HMGN5: variants seen among roughly 807,000 people sequenced by gnomAD.
HMGN5 encodes the protein high mobility group nucleosome binding domain 5, also known as high mobility group nucleosome-binding domain-containing protein 5.
HMGN5 carries 4 observed loss-of-function variants against 9.5 expected under a neutral mutation model. The observed-to-expected ratio is 0.42, with a 90% CI of 0.21 to 0.96. The LOEUF (loss-of-function observed/expected upper bound fraction) is 0.96, where lower values mean the gene tolerates loss of function less well. Ranked by LOEUF, HMGN5 falls within the 40% of genes least tolerant of loss-of-function variation. The pLI is 0.30. For synonymous variants in HMGN5, 55 were observed against 57.1 expected (o/e 0.96, Z 0.16); for missense variants, 192 against 187.5 (o/e 1.02, Z -0.14).
chrX:81,167,839 T>C (rs757410398), intron 1 of HMGN5, among the ~76,000 whole-genome samples: 32 of 112,025 alleles, frequency 2.9e-4, no homozygotes, highest in Non-Finnish European at 5.1e-4. Context: ...CTGTGACTAT[T>C]AAAAAAGAAA....
intron 1 of HMGN5, among the ~76,000 whole-genome samples, chrX:81,196,109 C>T (rs1372832533): frequency 9.0e-6 from 1 of 111,699 alleles, no homozygotes; most frequent in Non-Finnish European, 1.9e-5. Context: ...AGATACTCCC[C>T]TTCTGCTGGC....
intron 1 of HMGN5, among the ~76,000 whole-genome samples, chrX:81,176,526 T>A (rs1211390962): frequency 9.0e-6 from 1 of 110,859 alleles, no homozygotes; most frequent in Non-Finnish European, 1.9e-5. Flanking sequence ...GCAAGGAAGC[T>A]AAAAACCTTG....
intron 1 of HMGN5, among the ~76,000 whole-genome samples, chrX:81,195,761 A>G: frequency 8.9e-6 from 1 of 111,792 alleles, no homozygotes; most frequent in South Asian, 3.7e-4. Context: ...CCTTGAGACC[A>G]TTTACTGTTA....
chrX:81,113,980 T>A lies in HMGN5; in HGVS notation c.*669A>T, dbSNP rs1007395541. 1.3e-4 allele frequency: 15 copies of A among 111,963 alleles called. No homozygotes were observed. Among genetic ancestry groups the A allele is most frequent in the South Asian group, 3.6e-4 (1 of 2,751 alleles). The allele number at this position is 111,963 out of a possible 1,213,427, so 9.2% of individuals were successfully genotyped here. A position where few individuals can be genotyped will look rare whatever the true frequency, so the allele number is the denominator to read the frequency against. ...TTTATATTAATTTTATGTCAGTGAA[T>A]ATTAAATATTTTCATGAATAACACA... On this transcript the variant is annotated 3_prime_UTR_variant, in exon 7 of 7. Coordinates refer to ENST00000358130, the MANE Select transcript of HMGN5 (RefSeq NM_030763.3).
At chrX:81,189,326 T>C (rs1331521871) in intron 1 of HMGN5, among the ~76,000 whole-genome samples, 1 of 111,529 alleles carries the variant, frequency 9.0e-6, no homozygotes, top group Non-Finnish European at 1.9e-5. Flanking sequence ...TTGTTTTTTA[T>C]TTTGTCTCCT....
At chrX:81,201,337 A>G (rs1053488943) in intron 1 of HMGN5, among the ~76,000 whole-genome samples, 1 of 110,696 alleles carries the variant, frequency 9.0e-6, no homozygotes, top group Non-Finnish European at 1.9e-5. Context: ...TAACCATCTG[A>G]TCTCTCTCTT....
chrX:81,142,465 C>A (rs2075332407), intron 1 of HMGN5, among the ~76,000 whole-genome samples: 1 of 111,300 alleles, frequency 9.0e-6, no homozygotes, highest in South Asian at 3.8e-4. Flanking sequence ...CTAAAGGCAG[C>A]AAGAGAAAAT....
At chrX:81,130,556 A>G (rs1245024045) in intron 1 of HMGN5, among the ~76,000 whole-genome samples, 1 of 111,358 alleles carries the variant, frequency 9.0e-6, no homozygotes, top group East Asian at 2.8e-4. Flanking sequence ...TATTATAAGA[A>G]AACTCAGCAT....
intron 1 of HMGN5, among the ~76,000 whole-genome samples, chrX:81,170,827 A>G (rs1241255476): frequency 9.0e-6 from 1 of 110,895 alleles, no homozygotes; most frequent in Non-Finnish European, 1.9e-5. Context: ...CCTTTAAACT[A>G]TCTCACTCAA....
At chrX:81,184,916 G>A (rs1814523257) in intron 1 of HMGN5, among the ~76,000 whole-genome samples, 1 of 111,659 alleles carries the variant, frequency 9.0e-6, no homozygotes, top group Non-Finnish European at 1.9e-5. Flanking sequence ...TGGCACCTTT[G>A]CTGAAAATGA....
At chrX:81,154,056 C>T (rs914704969) in intron 1 of HMGN5, among the ~76,000 whole-genome samples, 19 of 109,992 alleles carry the variant, frequency 1.7e-4, no homozygotes, top group Admixed American at 4.9e-4. Flanking sequence ...CCAGGATAGC[C>T]GAAATTATCC....
intron 1 of HMGN5, among the ~76,000 whole-genome samples, chrX:81,177,538 A>G (rs963993987): frequency 1.8e-5 from 2 of 110,275 alleles, no homozygotes; most frequent in African/African-American, 6.6e-5. Flanking sequence ...TATGTACCCA[A>G]TACAGGAGCA....
intron 1 of HMGN5, among the ~76,000 whole-genome samples, chrX:81,141,288 C>T (rs2075328717): frequency 8.9e-6 from 1 of 111,781 alleles, no homozygotes; most frequent in Non-Finnish European, 1.9e-5. Context: ...CATCTGCTGA[C>T]TGTAGAACCC....
At chrX:81,190,778 AT>A (rs893261635) in intron 1 of HMGN5, among the ~76,000 whole-genome samples, 4 of 109,381 alleles carry the variant, frequency 3.7e-5, no homozygotes, top group Admixed American at 9.8e-5. Context: ...GTCTAGACTC[AT>A]TTTTTTTTAC....
intron 1 of HMGN5, among the ~76,000 whole-genome samples, chrX:81,150,184 T>C (rs1006070285): frequency 3.6e-5 from 4 of 112,193 alleles, no homozygotes; most frequent in Non-Finnish European, 5.6e-5. Flanking sequence ...TAAAACGTTT[T>C]CTAAAATTGA....
intron 1 of HMGN5, among the ~76,000 whole-genome samples, chrX:81,126,896 CTT>C (rs763429138): frequency 9.9e-5 from 11 of 111,519 alleles, no homozygotes; most frequent in Non-Finnish European, 2.1e-4. Flanking sequence ...TATCTACTCT[CTT>C]AGAAAATTTC....
chrX:81,176,336 C>A (rs2075441601), intron 1 of HMGN5, among the ~76,000 whole-genome samples: 1 of 111,832 alleles, frequency 8.9e-6, no homozygotes, highest in Non-Finnish European at 1.9e-5. Flanking sequence ...GAAACCAGAG[C>A]AGAAAAGTTG....
intron 1 of HMGN5, among the ~76,000 whole-genome samples, chrX:81,198,848 AT>A (rs2075516639): frequency 8.9e-6 from 1 of 111,942 alleles, no homozygotes; most frequent in South Asian, 3.7e-4. Context: ...CACCAATCCT[AT>A]TTAACATAGT....
chrX:81,130,841 G>A (rs905937790), intron 1 of HMGN5, among the ~76,000 whole-genome samples: 1 of 111,239 alleles, frequency 9.0e-6, no homozygotes, highest in Non-Finnish European at 1.9e-5. Flanking sequence ...TTCTTGAGAA[G>A]CTCACACTCT....
Sources: allele counts gnomAD v4.1 joint callset (sites outside exome capture counted in the v4.1 genomes callset), GRCh38; gene constraint gnomAD v4.1.1; transcripts MANE v1.5; gene names NCBI Gene and HGNC (gene_info 2026-07-23, HGNC 2026-07-21).